The following RGS10 variants were observed in gnomAD, a reference collection of about 807,000 sequenced individuals.
RGS10 encodes regulator of G-protein signalling 10.
RGS10 carries 11 observed loss-of-function variants against 23.5 expected under a neutral mutation model. The ratio of observed to expected loss-of-function variants is 0.47; its 90% confidence interval spans 0.29 to 0.77. RGS10 has a LOEUF of 0.77. RGS10 is among the 30% of genes least tolerant of loss of function. The pLI is 0.08. For missense variants in RGS10, 180 were observed against 226.3 expected (o/e 0.80, Z 1.31); for synonymous variants, 77 against 83.2 (o/e 0.92, Z 0.41).
At chr10:119,526,000 A>AG in intron 3 of RGS10, 32 bp downstream of exon 3, 1 of 1,269,172 alleles carries the variant, frequency 7.9e-7, no homozygotes, top group East Asian at 2.4e-5. Flanking sequence ...TAACTTTATA[A>AG]GGGAAAAAAA....
intron 3 of RGS10, among the ~76,000 whole-genome samples, chr10:119,516,888 C>T (rs1191521109): frequency 6.6e-6 from 1 of 152,210 alleles, no homozygotes; most frequent in East Asian, 1.9e-4. Context: ...GCTCATACCT[C>T]GCCAACAGCA....
At chr10:119,512,011 G>A (rs992840935) in intron 4 of RGS10, among the ~76,000 whole-genome samples, 9 of 152,222 alleles carry the variant, frequency 5.9e-5, no homozygotes, top group Non-Finnish European at 1.2e-4. Flanking sequence ...CAGGGTGCAT[G>A]GGAGTTGGCT....
intron 2 of RGS10, 41 bp from the exon 3 acceptor site, chr10:119,526,159 TA>T (rs201410693): frequency 3.7e-3 from 3,531 of 951,860 alleles, no homozygotes; most frequent in South Asian, 4.9e-3. Context: ...TATTCTACTT[TA>T]AAAAAAAAAT....
intron 4 of RGS10, among the ~76,000 whole-genome samples, chr10:119,513,889 G>T (rs1275904209): frequency 2.6e-5 from 4 of 152,216 alleles, no homozygotes; most frequent in Non-Finnish European, 5.9e-5. Context: ...ATGGACAAGA[G>T]GGAATCTGGC....
chr10:119,534,188 G>A (rs1028634864), intron 1 of RGS10, among the ~76,000 whole-genome samples: 12 of 151,404 alleles, frequency 7.9e-5, no homozygotes, highest in African/African-American at 2.9e-4. Context: ...CCCGGGAGGC[G>A]GAGGTTGCAG....
At chr10:119,528,923 G>A (rs1010500538) in intron 1 of RGS10, among the ~76,000 whole-genome samples, 1 of 151,886 alleles carries the variant, frequency 6.6e-6, no homozygotes, top group Non-Finnish European at 1.5e-5. Flanking sequence ...TTACATTTTG[G>A]TGCACAGAGA....
At chr10:119,532,440 C>T (rs1046810951) in intron 1 of RGS10, among the ~76,000 whole-genome samples, 3 of 152,160 alleles carry the variant, frequency 2.0e-5, no homozygotes, top group Admixed American at 6.5e-5. Context: ...GACCCGTGGG[C>T]GCGGTGGCTC....
intron 4 of RGS10, among the ~76,000 whole-genome samples, chr10:119,513,755 C>T (rs890749982): frequency 1.3e-5 from 2 of 152,182 alleles, no homozygotes; most frequent in South Asian, 4.1e-4. Context: ...TTCACAAAGC[C>T]TTTCCAATCC....
intron 4 of RGS10, among the ~76,000 whole-genome samples, chr10:119,504,333 G>A (rs1843986081): frequency 6.6e-6 from 1 of 152,132 alleles, no homozygotes; most frequent in African/African-American, 2.4e-5. Context: ...GTGATTACAG[G>A]TGTGCGCCAC....
In RGS10 at chr10:119,512,573, A is replaced by G. The variant is rs909356893; in HGVS notation, c.399+2936T>C. On this transcript the variant is annotated intron_variant, in intron 4 of 4. Coordinates refer to ENST00000369103, the MANE Select transcript of RGS10 (RefSeq NM_001005339.2). ...AAAAAAATTTTTTTTTTTGAGGTGG[A>G]GTCTCACTCTGTCGCTCAGGCTGGA... is the stretch of plus-strand genomic sequence containing the variant. Among the ~76,000 whole-genome samples, 13 of 151,496 alleles carry G rather than the reference A, an allele frequency of 8.6e-5. No homozygotes were observed. The East Asian group carries it at 1.2e-3, about 14-fold the overall frequency.
rs529133588 is a variant in RGS10 at position 119,522,654 on chromosome 10, A to C, written c.255+3378T>G. On this transcript the variant is annotated intron_variant, in intron 3 of 4. Coordinates refer to ENST00000369103, the MANE Select transcript of RGS10 (RefSeq NM_001005339.2). ...AATCACTTGAACCCGGGAGGCGGAGATTGCAGTGAGCAGAGATCGTGCCAC... is the reference window on the plus strand; with the variant it reads ...AATCACTTGAACCCGGGAGGCGGAGCTTGCAGTGAGCAGAGATCGTGCCAC... 7.0e-4 allele frequency among the ~76,000 whole-genome samples: 103 copies of C among 148,074 alleles called. No individual in the cohort carries two copies. In the Middle Eastern group the frequency reaches 0.031, roughly 45 times the overall value.
intron 4 of RGS10, among the ~76,000 whole-genome samples, chr10:119,501,463 C>T (rs1458796498): frequency 6.6e-6 from 1 of 152,172 alleles, no homozygotes; most frequent in African/African-American, 2.4e-5. Flanking sequence ...TGGCTCACAC[C>T]TGTAATCCCA....
At chr10:119,502,298 A>AG in intron 4 of RGS10, among the ~76,000 whole-genome samples, 1 of 152,264 alleles carries the variant, frequency 6.6e-6, no homozygotes, top group South Asian at 2.1e-4. Flanking sequence ...AGAGTCCCCA[A>AG]GGGGAAACTT....
At chr10:119,529,560 T>C (rs1394243205) in intron 1 of RGS10, among the ~76,000 whole-genome samples, 3 of 152,152 alleles carry the variant, frequency 2.0e-5, no homozygotes, top group Non-Finnish European at 4.4e-5. Flanking sequence ...CCCCCATCTC[T>C]TGGGTTATCA....
chr10:119,537,665 T>C (rs573834028), intron 1 of RGS10, among the ~76,000 whole-genome samples: 1 of 152,194 alleles, frequency 6.6e-6, no homozygotes, highest in East Asian at 1.9e-4. Flanking sequence ...TAAAATGAAT[T>C]GAGGAGAGGA....
intron 4 of RGS10, among the ~76,000 whole-genome samples, chr10:119,512,510 AG>A (rs1305843257): frequency 2.0e-5 from 3 of 151,744 alleles, no homozygotes; most frequent in Admixed American, 6.6e-5. Context: ...ATTATGCCTT[AG>A]GAAGAAAGTT....
At chr10:119,515,958 C>T (rs1404191464) in intron 3 of RGS10, among the ~76,000 whole-genome samples, 1 of 152,206 alleles carries the variant, frequency 6.6e-6, no homozygotes, top group Non-Finnish European at 1.5e-5. Flanking sequence ...GTACCATTTA[C>T]AGCCATCCTG....
chr10:119,526,160 A>G, intron 2 of RGS10, 42 bp from the exon 3 acceptor site: 1 of 846,080 alleles, frequency 1.2e-6, no homozygotes, highest in Non-Finnish European at 1.8e-6. Context: ...ATTCTACTTT[A>G]AAAAAAAAAT....
intron 4 of RGS10, among the ~76,000 whole-genome samples, chr10:119,510,685 A>G (rs185823092): frequency 6.6e-6 from 1 of 152,218 alleles, no homozygotes; most frequent in East Asian, 1.9e-4. Flanking sequence ...GCAGACCAAC[A>G]AGGACTGAAT....
Sources: gnomAD v4.1 joint callset for allele counts (sites outside exome capture counted in the v4.1 genomes callset) on GRCh38, gnomAD v4.1.1 for gene constraint, MANE v1.5 for transcripts, NCBI Gene and HGNC (gene_info 2026-07-23, HGNC 2026-07-21) for gene names.